The following ECI1 variants were observed in gnomAD, a reference collection of about 807,000 sequenced individuals.
ECI1 encodes enoyl-CoA delta isomerase 1, mitochondrial.
In ECI1, 34 loss-of-function variants were observed where a neutral mutation model predicts 34.2. That is an observed-to-expected ratio of 1.00 (90% confidence interval 0.76 to 1.33). The LOEUF is 1.33. Ranked by LOEUF, ECI1 falls within the 40% of genes most tolerant of loss-of-function variation. The pLI is 0.00. For synonymous variants in ECI1, 211 were observed against 193.0 expected (o/e 1.09, Z -0.77); for missense variants, 456 against 422.2 (o/e 1.08, Z -0.70).
At chr16:2,240,191 G>A (rs1432496853) in intron 6 of ECI1, 46 bp from the exon 7 acceptor site, 1 of 1,596,106 alleles carries the variant, frequency 6.3e-7, no homozygotes. Flanking sequence ...TTCAGGGGCA[G>A]TGGGGTGATT....
intron 2 of ECI1, among the ~76,000 whole-genome samples, chr16:2,248,171 A>G (rs539732295): frequency 4.0e-5 from 6 of 151,898 alleles, no homozygotes; most frequent in Non-Finnish European, 8.8e-5. Context: ...ATCTCAGCTC[A>G]CTACAACGTC....
intron 3 of ECI1, among the ~76,000 whole-genome samples, chr16:2,245,599 C>T (rs1290804783): frequency 6.6e-6 from 1 of 152,216 alleles, no homozygotes. Context: ...GGCGTGGTGG[C>T]TCATGCCTGT....
intron 3 of ECI1, among the ~76,000 whole-genome samples, chr16:2,246,165 G>A (rs1057479123): frequency 1.2e-4 from 19 of 152,176 alleles, no homozygotes; most frequent in African/African-American, 2.2e-4. Context: ...GCCCCTCGGC[G>A]ATGTTGGTAA....
At chr16:2,245,478 C>T (rs1225140477) in intron 3 of ECI1, among the ~76,000 whole-genome samples, 8 of 152,228 alleles carry the variant, frequency 5.3e-5, no homozygotes, top group South Asian at 2.1e-4. Context: ...GGGTGGGCAA[C>T]GCAGCTCCGC....
intron 3 of ECI1, among the ~76,000 whole-genome samples, chr16:2,246,200 G>C (rs762982450): frequency 6.6e-6 from 1 of 152,180 alleles, no homozygotes; most frequent in Non-Finnish European, 1.5e-5. Context: ...CAGATGACAC[G>C]CCTAGCGTTC....
chr16:2,248,135 C>T (rs1200513545), intron 2 of ECI1, among the ~76,000 whole-genome samples: 10 of 152,032 alleles, frequency 6.6e-5, no homozygotes, highest in South Asian at 2.1e-4. Context: ...TCTCGCTCGT[C>T]GCCCAGGCTG....
chr16:2,247,461 G>A (rs1439480745), intron 2 of ECI1, among the ~76,000 whole-genome samples: 4 of 152,018 alleles, frequency 2.6e-5, no homozygotes, highest in Admixed American at 6.6e-5. Context: ...GCAATGGAGC[G>A]ATCTTGGCTC....
intron 4 of ECI1, chr16:2,244,115 A>G (rs902192223): frequency 1.2e-5 from 6 of 505,246 alleles, no homozygotes; most frequent in Non-Finnish European, 1.8e-5. Flanking sequence ...CCGATCACCC[A>G]CTCACCCACA....
intron 3 of ECI1, among the ~76,000 whole-genome samples, chr16:2,245,985 C>T (rs749629449): frequency 6.6e-6 from 1 of 152,018 alleles, no homozygotes; most frequent in Non-Finnish European, 1.5e-5. Flanking sequence ...TAAGGCTGGA[C>T]GTGGCCAGCA....
At chr16:2,249,212 AT>A (rs959444127) in intron 2 of ECI1, among the ~76,000 whole-genome samples, 3 of 150,566 alleles carry the variant, frequency 2.0e-5, no homozygotes, top group East Asian at 3.9e-4. Context: ...CGCCCGGCTA[AT>A]TTTTTTTTGT....
In ECI1 at chr16:2,244,438, G is replaced by A. The variant is rs771681200; in HGVS notation, c.409C>T (p.Gln137Ter). ...GCGGAGACCAGCACCAGGTTGGACT[G>A]GTACAACCGCAGCCACAGCTCCTGA... ...AVQELWLRLY[Q>*]SNLVLVSAIN... Residue 137 changes from glutamine (Q) to a stop codon, truncating the protein, a stop_gained, in exon 4 of 7, where the codon CAG becomes TAG. Transcript: ENST00000301729. LOFTEE classifies it high-confidence loss of function. 1.1e-5 allele frequency: 17 copies of A among 1,612,256 alleles called. No individual in the cohort carries two copies. The highest frequency in any genetic ancestry group is 1.7e-4 in the Middle Eastern group (1 of 6,060).
intron 2 of ECI1, among the ~76,000 whole-genome samples, chr16:2,247,703 GTTAT>G (rs2093543559): frequency 6.6e-6 from 1 of 151,996 alleles, no homozygotes; most frequent in Non-Finnish European, 1.5e-5. Flanking sequence ...CGGCCTGGGG[GTTAT>G]TTTTTTATTA....
chr16:2,243,239 A>T lies in ECI1; in HGVS notation c.564-15T>A. 6.2e-7 allele frequency: 1 copy of T among 1,612,792 alleles called. No homozygotes were observed. On this transcript the variant is annotated splice_polypyrimidine_tract_variant and intron_variant, in intron 5 of 6. Coordinates refer to ENST00000301729, the MANE Select transcript of ECI1 (RefSeq NM_001919.4). The stretch of plus-strand genomic sequence containing the variant: ...TGTCTTTCAACCTGGAAATGCAGAC[A>T]CCCACTCACCACATGGCCCCAGGCG...
chr16:2,243,514 A>C (rs1251111840), intron 4 of ECI1, 75 bp from the exon 5 acceptor site: 1 of 1,580,894 alleles, frequency 6.3e-7, no homozygotes, highest in Non-Finnish European at 8.6e-7. Context: ...GGTCCAAGGA[A>C]GGAGGGCCTG....
At chr16:2,241,556 C>G (rs564057122) in intron 6 of ECI1, 1 of 152,336 alleles carries the variant, frequency 6.6e-6, no homozygotes, top group Non-Finnish European at 1.5e-5. Context: ...CTTGGCCTCT[C>G]AAAGTGCTGG....
intron 6 of ECI1, 61 bp from the exon 7 acceptor site, chr16:2,240,206 A>C: frequency 1.5e-5 from 23 of 1,564,478 alleles, no homozygotes; most frequent in Non-Finnish European, 1.9e-5. Context: ...GTGATTCCCA[A>C]CTTATTTTTT....
intron 6 of ECI1, chr16:2,242,419 T>G (rs565292671): frequency 6.5e-6 from 1 of 153,740 alleles, no homozygotes; most frequent in South Asian, 2.1e-4. Flanking sequence ...AGAGACAGAA[T>G]TTGCTGGGCC....
chr16:2,243,990 C>T (rs2093534264), intron 4 of ECI1: 3 of 340,614 alleles, frequency 8.8e-6, no homozygotes, highest in Non-Finnish European at 1.7e-5. Flanking sequence ...CCACACCCGG[C>T]TTGTCACAGC....
At chr16:2,245,892 G>A (rs1187006683) in intron 3 of ECI1, among the ~76,000 whole-genome samples, 1 of 152,076 alleles carries the variant, frequency 6.6e-6, no homozygotes, top group Non-Finnish European at 1.5e-5. Context: ...TTGAACCCAG[G>A]AGGCGGAGGT....
Sources: allele counts gnomAD v4.1 joint callset (sites outside exome capture counted in the v4.1 genomes callset), GRCh38; gene constraint gnomAD v4.1.1; transcripts MANE v1.5; gene names NCBI Gene and HGNC (gene_info 2026-07-23, HGNC 2026-07-21).